Variants in BAZ2B observed in about 807,000 individuals in gnomAD.
BAZ2B encodes bromodomain adjacent to zinc finger domain 2B, also known as bromodomain adjacent to zinc finger domain protein 2B.
BAZ2B carries 91 observed loss-of-function variants against 246.0 expected under a neutral mutation model. The observed-to-expected ratio is 0.37, with a 90% CI of 0.31 to 0.44. BAZ2B has a LOEUF of 0.44. Among genes scored for constraint, BAZ2B ranks in the 20% least tolerant of loss-of-function variants. The pLI is 1.00. For synonymous variants in BAZ2B, 855 were observed against 860.0 expected, an observed-to-expected ratio of 0.99 and a Z score of 0.10; for missense variants, 2,332 against 2,533.7, an observed-to-expected ratio of 0.92 and a Z score of 1.71.
At chr2:159,386,312 C>T in intron 22 of BAZ2B, 41 bp downstream of exon 22, 1 of 1,531,824 alleles carries the variant, frequency 6.5e-7, no homozygotes, top group Non-Finnish European at 8.8e-7. Context: ...AATGCACTGA[C>T]AGTACAAATT....
At chr2:159,317,403 C>A (rs1167235332), downstream of BAZ2B, among the ~76,000 whole-genome samples, 24 of 152,168 alleles carry the variant, frequency 1.6e-4, no homozygotes, top group Non-Finnish European at 1.5e-5. Context: ...AAAAGATCAC[C>A]TTGCATTTAT....
intron 2 of BAZ2B, among the ~76,000 whole-genome samples, chr2:159,482,792 G>A (rs2079387158): frequency 6.6e-6 from 1 of 152,022 alleles, no homozygotes; most frequent in African/African-American, 2.4e-5. Flanking sequence ...GTTATCATGA[G>A]TTACTATTTA....
At position 159,438,571 on chromosome 2, in the gene BAZ2B, G is replaced by A; in HGVS notation, c.1025C>T (p.Ser342Phe). 1 of 1,614,182 alleles carries A rather than the reference G, an allele frequency of 6.2e-7. No homozygotes were observed. Among genetic ancestry groups the A allele is most frequent in the Non-Finnish European group, 8.5e-7 (1 of 1,180,018 alleles). ...CAAAACCTGAGGCTGCTTCTGCTGG[G>A]ATTGGAATGAGTGAGTCTGGGATTC... ...ASESQTHSFQ[S>F]QQKQPQVLSQ... Residue 342 changes from serine (S) to phenylalanine (F), a missense_variant, in exon 8 of 37, where the codon TCC becomes TTC. By Grantham distance (155) the Ser-to-Phe change is radical. This residue lies in a region of BAZ2B where 161 missense variants were observed against 225.8 expected (regional missense o/e 0.71). Transcript: ENST00000392783.
chr2:159,468,820 G>A (rs1204081070), intron 3 of BAZ2B, among the ~76,000 whole-genome samples: 1 of 152,050 alleles, frequency 6.6e-6, no homozygotes, highest in Non-Finnish European at 1.5e-5. Context: ...CGAGGCGGGT[G>A]GTTCACAAGT....
At chr2:159,549,425 T>C (rs2087822290) in intron 2 of BAZ2B, among the ~76,000 whole-genome samples, 2 of 152,220 alleles carry the variant, frequency 1.3e-5, no homozygotes, top group Non-Finnish European at 2.9e-5. Context: ...GTCTCACTCC[T>C]CTGCAAACGT....
the BAZ2B span, among the ~76,000 whole-genome samples, chr2:159,630,419 G>A: frequency 6.6e-4 from 100 of 152,306 alleles, no homozygotes; most frequent in African/African-American, 2.4e-3. Flanking sequence ...TAACCATAGA[G>A]AATTATTCCA....
chr2:159,668,814 T>C, the BAZ2B span, among the ~76,000 whole-genome samples: 1 of 152,086 alleles, frequency 6.6e-6, no homozygotes, highest in Admixed American at 6.6e-5. Flanking sequence ...CCCAGCACTT[T>C]GGGAGGCCGA....
chr2:159,438,241 C>A (rs1304938262), intron 8 of BAZ2B, 62 bp downstream of exon 8: 2 of 1,412,342 alleles, frequency 1.4e-6, no homozygotes, highest in South Asian at 2.7e-5. Flanking sequence ...TATTGTAAGA[C>A]AATATAGAAG....
chr2:159,417,767 G>C (rs1381651410), intron 13 of BAZ2B, among the ~76,000 whole-genome samples: 3 of 152,174 alleles, frequency 2.0e-5, no homozygotes, highest in African/African-American at 7.2e-5. Context: ...CAGCTAGAGA[G>C]AGACCTTTTC....
At chr2:159,523,074 C>T (rs1408222584) in intron 2 of BAZ2B, among the ~76,000 whole-genome samples, 1 of 151,990 alleles carries the variant, frequency 6.6e-6, no homozygotes, top group Non-Finnish European at 1.5e-5. Flanking sequence ...CAACACTAGC[C>T]CAGGCAACAC....
intron 16 of BAZ2B, among the ~76,000 whole-genome samples, 167 bp from the exon 17 acceptor site, chr2:159,400,831 G>A (rs1450065586): frequency 6.6e-6 from 1 of 152,118 alleles, no homozygotes; most frequent in East Asian, 1.9e-4. Context: ...ACAAGGTCAG[G>A]AGATCGAGAC....
chr2:159,581,423 C>T (rs1686749527), intron 1 of BAZ2B, among the ~76,000 whole-genome samples: 1 of 152,130 alleles, frequency 6.6e-6, no homozygotes, highest in Admixed American at 6.5e-5. Flanking sequence ...CAGGAAACAA[C>T]AGGTGCTGGA....
intron 13 of BAZ2B, among the ~76,000 whole-genome samples, chr2:159,421,595 A>G (rs1416364892): frequency 7.9e-5 from 12 of 152,302 alleles, no homozygotes; most frequent in African/African-American, 2.9e-4. Context: ...TTTAATAAAT[A>G]TAAGCTCACA....
At chr2:159,440,432 G>T (rs1442118353) in intron 6 of BAZ2B, among the ~76,000 whole-genome samples, 1 of 151,480 alleles carries the variant, frequency 6.6e-6, no homozygotes, top group African/African-American at 2.4e-5. Flanking sequence ...TCTTTTTATT[G>T]TGTCTTCTGA....
rs186819618 is a variant in BAZ2B, at chr2:159,511,665, A to C, written c.-2-32944T>G. ...TCAAAGACATTGTCCAAATAAAACA[A>C]ATTTTAAAACTAAGTGATACACAAA... On this transcript the variant is annotated intron_variant, in intron 2 of 36. Transcript: ENST00000392783. 3.3e-3 allele frequency among the ~76,000 whole-genome samples: 502 copies of C among 152,332 alleles called. 3 individuals are homozygous for C. The highest frequency in any genetic ancestry group is 0.011 in the African/African-American group (475 of 41,574).
At chr2:159,694,203 G>A in the BAZ2B span, 1 of 152,166 alleles carries the variant, frequency 6.6e-6, no homozygotes, top group Non-Finnish European at 1.5e-5. Context: ...TGAGGCCACA[G>A]GGAAGTTAGC....
intron 13 of BAZ2B, among the ~76,000 whole-genome samples, chr2:159,420,959 G>C (rs1173271371): frequency 6.6e-6 from 1 of 152,118 alleles, no homozygotes; most frequent in Non-Finnish European, 1.5e-5. Flanking sequence ...GTACAGCATA[G>C]GCTTATATAG....
At chr2:159,383,825 CATATATGTATGTGTTT>C (rs2062295031) in intron 23 of BAZ2B, 145 bp from the exon 24 acceptor site, 5 of 638,550 alleles carry the variant, frequency 7.8e-6, no homozygotes, top group Middle Eastern at 4.3e-4. Flanking sequence ...TATACACGTT[CATATATGTATGTGTTT>C]ATATATGTAT....
At position 159,588,107 on chromosome 2, in the gene BAZ2B, T is replaced by C. The variant is rs547879339; in HGVS notation, c.-46+28135A>G. On this transcript the variant is annotated intron_variant, in intron 1 of 36. Coordinates refer to ENST00000392783, the MANE Select transcript of BAZ2B (RefSeq NM_013450.4). ...TACTCGGGAGGCTAAGGCAGAAGGA[T>C]AGCTTGAGTCTAGAGTTTGAGGCTG... Among the ~76,000 whole-genome samples the C allele has an allele frequency of 3.3e-5, 5 of 151,246 alleles. 1 individual carries two copies. In the South Asian group the frequency reaches 1.0e-3, roughly 31 times the overall value.
Sources: gnomAD v4.1 joint callset for allele counts (sites outside exome capture counted in the v4.1 genomes callset) on GRCh38, gnomAD v4.1.1 for gene constraint, gnomAD v4.1.1 regional missense constraint, MANE v1.5 for transcripts, NCBI Gene and HGNC (gene_info 2026-07-23, HGNC 2026-07-21) for gene names.